The following LRP1B variants were observed in gnomAD, a reference collection of about 807,000 sequenced individuals.
LRP1B encodes LDL receptor related protein 1B.
A neutral mutation model predicts 556.6 loss-of-function variants in LRP1B; 217 were observed. The observed-to-expected ratio is 0.39, with a 90% CI of 0.35 to 0.44. The LOEUF (loss-of-function observed/expected upper bound fraction) is 0.44, where lower values mean the gene tolerates loss of function less well. Ranked by LOEUF, LRP1B falls within the 20% of genes least tolerant of loss-of-function variation. The pLI is 1.00. For missense variants in LRP1B, 5,053 were observed against 5,620.8 expected (o/e 0.90, Z 3.23); for synonymous variants, 2,047 against 1,865.8 (o/e 1.10, Z -2.50).
At chr2:141,199,841 A>G (rs1402803094) in intron 6 of LRP1B, among the ~76,000 whole-genome samples, 1 of 152,176 alleles carries the variant, frequency 6.6e-6, no homozygotes, top group Non-Finnish European at 1.5e-5. Flanking sequence ...ATCACTGACC[A>G]CTGGAGAAAT....
At chr2:141,100,376 A>G (rs1392061994) in intron 7 of LRP1B, among the ~76,000 whole-genome samples, 5 of 152,238 alleles carry the variant, frequency 3.3e-5, no homozygotes, top group African/African-American at 7.2e-5. Flanking sequence ...CGGTTGGGGC[A>G]GACCTCTAAC....
intron 1 of LRP1B, among the ~76,000 whole-genome samples, chr2:142,039,392 G>A (rs1477305679): frequency 6.6e-6 from 1 of 151,334 alleles, no homozygotes; most frequent in Non-Finnish European, 1.5e-5. Context: ...GGACCTTATA[G>A]AAAATACTGT....
At chr2:140,892,578 G>C (rs1424402599) in intron 23 of LRP1B, among the ~76,000 whole-genome samples, 1 of 152,076 alleles carries the variant, frequency 6.6e-6, no homozygotes, top group African/African-American at 2.4e-5. Context: ...GTGAACTGTT[G>C]GTATAGATGT....
intron 2 of LRP1B, among the ~76,000 whole-genome samples, chr2:141,572,758 A>AAAAC (rs1197684591): frequency 6.6e-6 from 1 of 152,134 alleles, no homozygotes; most frequent in Non-Finnish European, 1.5e-5. Context: ...AATGGAAAGC[A>AAAAC]AAACAAACAA....
chr2:141,368,408 G>A (rs1689119445), intron 3 of LRP1B, among the ~76,000 whole-genome samples: 1 of 152,138 alleles, frequency 6.6e-6, no homozygotes, highest in Non-Finnish European at 1.5e-5. Context: ...CATAAAGAGG[G>A]TAAGCATTTA....
At chr2:141,463,746 C>A (rs1253684760) in intron 3 of LRP1B, among the ~76,000 whole-genome samples, 1 of 144,230 alleles carries the variant, frequency 6.9e-6, no homozygotes, top group Non-Finnish European at 1.5e-5. Flanking sequence ...ATCCTCAGAA[C>A]AAGGACTGGC....
intron 7 of LRP1B, among the ~76,000 whole-genome samples, chr2:141,067,767 A>C (rs1257077258): frequency 6.6e-6 from 1 of 151,974 alleles, no homozygotes; most frequent in African/African-American, 2.4e-5. Context: ...AGTCACTAGG[A>C]CCCTTTCTCT....
intron 86 of LRP1B, among the ~76,000 whole-genome samples, chr2:140,269,886 A>T (rs966372884): frequency 6.6e-6 from 1 of 151,996 alleles, no homozygotes; most frequent in Non-Finnish European, 1.5e-5. Context: ...CTTGTGAAAA[A>T]AAATGGCCAT....
At chr2:141,079,093 A>G (rs1000661552) in intron 7 of LRP1B, among the ~76,000 whole-genome samples, 2 of 152,194 alleles carry the variant, frequency 1.3e-5, no homozygotes, top group Non-Finnish European at 2.9e-5. Flanking sequence ...ATGTACTTAT[A>G]AACCCACACT....
intron 1 of LRP1B, among the ~76,000 whole-genome samples, chr2:141,901,741 A>G (rs1699624185): frequency 6.6e-6 from 1 of 151,944 alleles, no homozygotes; most frequent in Admixed American, 6.6e-5. Flanking sequence ...ATTAGTATTC[A>G]TTATGTTTAT....
At chr2:141,356,603 C>T (rs1271435066) in intron 3 of LRP1B, among the ~76,000 whole-genome samples, 1 of 136,372 alleles carries the variant, frequency 7.3e-6, no homozygotes, top group Non-Finnish European at 1.7e-5. Context: ...TTTAAGAAGA[C>T]ATTTTTCTGT....
At chr2:142,005,259 G>A (rs1308879259) in intron 1 of LRP1B, among the ~76,000 whole-genome samples, 1 of 151,736 alleles carries the variant, frequency 6.6e-6, no homozygotes, top group Non-Finnish European at 1.5e-5. Flanking sequence ...ATTCAATAAG[G>A]ATTAACACGG....
chr2:141,884,307 C>T, intron 1 of LRP1B, among the ~76,000 whole-genome samples: 1 of 152,024 alleles, frequency 6.6e-6, no homozygotes, highest in Non-Finnish European at 1.5e-5. Context: ...GCCCAGAAGT[C>T]GAGACTGTAG....
At chr2:140,354,616 T>A (rs1302309449) in intron 75 of LRP1B, among the ~76,000 whole-genome samples, 3 of 152,054 alleles carry the variant, frequency 2.0e-5, no homozygotes, top group African/African-American at 7.2e-5. Context: ...AGAATCCAAA[T>A]AAGCAGTATT....
At chr2:140,529,319 G>C (rs183676719) in intron 47 of LRP1B, among the ~76,000 whole-genome samples, 2 of 151,558 alleles carry the variant, frequency 1.3e-5, no homozygotes, top group Admixed American at 6.6e-5. Context: ...AGATTTGAAA[G>C]ACTTAAAAAT....
At chr2:140,354,135 C>A (rs1218959260) in intron 75 of LRP1B, among the ~76,000 whole-genome samples, 1 of 152,008 alleles carries the variant, frequency 6.6e-6, no homozygotes, top group Non-Finnish European at 1.5e-5. Context: ...TTGTGTTTAG[C>A]CAGCATATTT....
chr2:141,696,517 G>T (rs1483559621), intron 2 of LRP1B, among the ~76,000 whole-genome samples: 1 of 151,796 alleles, frequency 6.6e-6, no homozygotes, highest in Non-Finnish European at 1.5e-5. Flanking sequence ...TACCGTTCTG[G>T]ACAATTTAAA....
At chr2:141,656,417 A>G (rs975196123) in intron 2 of LRP1B, among the ~76,000 whole-genome samples, 2 of 152,190 alleles carry the variant, frequency 1.3e-5, no homozygotes, top group African/African-American at 4.8e-5. Flanking sequence ...AAAAATCAAT[A>G]AAATTCTTTC....
intron 1 of LRP1B, among the ~76,000 whole-genome samples, chr2:141,946,741 A>G (rs1348992772): frequency 6.6e-6 from 1 of 152,180 alleles, no homozygotes; most frequent in Non-Finnish European, 1.5e-5. Context: ...TCTGTGAAAC[A>G]ATGGCCTTTT....
Sources: gnomAD v4.1 joint callset for allele counts (sites outside exome capture counted in the v4.1 genomes callset) on GRCh38, gnomAD v4.1.1 for gene constraint, MANE v1.5 for transcripts, NCBI Gene and HGNC (gene_info 2026-07-23, HGNC 2026-07-21) for gene names.